The following ITSN1 variants were observed in gnomAD, a reference collection of about 807,000 sequenced individuals.
ITSN1 encodes the protein intersectin-1.
A neutral mutation model predicts 239.8 loss-of-function variants in ITSN1; 58 were observed. The ratio of observed to expected loss-of-function variants is 0.24; its 90% confidence interval spans 0.20 to 0.30. The LOEUF (loss-of-function observed/expected upper bound fraction) is 0.30, where lower values mean the gene tolerates loss of function less well. Ranked by LOEUF, ITSN1 falls within the 10% of genes least tolerant of loss-of-function variation. The pLI is 1.00. For synonymous variants in ITSN1, 780 were observed against 770.8 expected (o/e 1.01, Z -0.20); for missense variants, 1,558 against 2,103.3 (o/e 0.74, Z 5.07).
At chr21:33,885,559 G>A in intron 38 of ITSN1, 37 bp downstream of exon 38, 1 of 1,562,882 alleles carries the variant, frequency 6.4e-7, no homozygotes, top group South Asian at 1.1e-5. Flanking sequence ...CTGCTTTGGG[G>A]TTGGGAGTAG....
intron 1 of ITSN1, among the ~76,000 whole-genome samples, chr21:33,660,876 A>G (rs1047529506): frequency 2.0e-5 from 3 of 152,224 alleles, no homozygotes; most frequent in Non-Finnish European, 4.4e-5. Context: ...TGATTTGACC[A>G]ATACATACAA....
At chr21:33,724,134 T>A (rs1221059871) in intron 4 of ITSN1, among the ~76,000 whole-genome samples, 1 of 152,076 alleles carries the variant, frequency 6.6e-6, no homozygotes, top group Non-Finnish European at 1.5e-5. Context: ...TATATTTGAA[T>A]TGAAACGAAA....
At chr21:33,813,637 G>A (rs552013022) in intron 21 of ITSN1, among the ~76,000 whole-genome samples, 1 of 152,278 alleles carries the variant, frequency 6.6e-6, no homozygotes, top group East Asian at 1.9e-4. Flanking sequence ...ACAGGCATGA[G>A]CCACTGTGCC....
At chr21:33,678,583 G>A (rs1443112571) in intron 1 of ITSN1, among the ~76,000 whole-genome samples, 2 of 152,146 alleles carry the variant, frequency 1.3e-5, no homozygotes, top group African/African-American at 2.4e-5. Context: ...CTTTTATATC[G>A]TGAGCTTCAG....
At chr21:33,671,847 G>A (rs1043019272) in intron 1 of ITSN1, among the ~76,000 whole-genome samples, 5 of 152,058 alleles carry the variant, frequency 3.3e-5, no homozygotes, top group South Asian at 2.1e-4. Context: ...GAATCTCACC[G>A]TTAATCAGTG....
intron 11 of ITSN1, among the ~76,000 whole-genome samples, chr21:33,768,186 A>C (rs993777877): frequency 6.6e-6 from 1 of 152,368 alleles, no homozygotes; most frequent in South Asian, 2.1e-4. Context: ...TAGAAAATCA[A>C]ATCATCTACT....
chr21:33,726,273 C>T (rs149821606), intron 4 of ITSN1, among the ~76,000 whole-genome samples: 104 of 152,270 alleles, frequency 6.8e-4, no homozygotes, highest in African/African-American at 2.3e-3. Flanking sequence ...GAATTACAGG[C>T]ATGACCCACT....
At position 33,767,716 on chromosome 21, in the gene ITSN1, A is replaced by G; in HGVS notation, c.930A>G (p.Arg310=). 6.3e-7 allele frequency: 1 copy of G among 1,591,334 alleles called. No homozygotes were observed. Among genetic ancestry groups the G allele is most frequent in the Non-Finnish European group, 8.6e-7 (1 of 1,163,332 alleles). ...PPEYIPPSFR[R]VRSGSGISVI... ...TTCTTTTTCCCCGCAATTGCAGAAG[A>G]GTTCGATCTGGCAGTGGTATATCTG... Residue 310 remains arginine, a synonymous_variant, in exon 11 of 40, where the codon AGA becomes AGG. Transcript: ENST00000381318.
intron 4 of ITSN1, among the ~76,000 whole-genome samples, chr21:33,723,695 G>A (rs975711763): frequency 3.3e-5 from 5 of 152,162 alleles, no homozygotes; most frequent in African/African-American, 1.2e-4. Flanking sequence ...CTCTGATTTG[G>A]AGATACAGTT....
chr21:33,856,154 C>T (rs1979283697), intron 29 of ITSN1, among the ~76,000 whole-genome samples: 1 of 152,236 alleles, frequency 6.6e-6, no homozygotes, highest in Admixed American at 6.5e-5. Flanking sequence ...CAGTTCACCA[C>T]CTGACATGGT....
In ITSN1 at chr21:33,890,237, GCTA is replaced by G. The variant is rs1026763851; in HGVS notation, c.*1939_*1941del. On this transcript the variant is annotated 3_prime_UTR_variant, in exon 40 of 40. Transcript: ENST00000381318. Reference sequence around the variant, plus strand: ...TGTTTAGTGTATTTATGAAAGATATGCTACCATGGTAGAAAGAAAAGTATTCAA... The same window carrying G: ...TGTTTAGTGTATTTATGAAAGATATGCCATGGTAGAAAGAAAAGTATTCAA... The G allele has an allele frequency of 3.9e-4, 59 of 152,198 alleles. No individual in the cohort carries two copies. Among genetic ancestry groups the G allele is most frequent in the African/African-American group, 1.4e-3 (57 of 41,454 alleles). The allele number at this position is 152,198 out of a possible 1,614,324, so 9.4% of individuals were successfully genotyped here. A position where few individuals can be genotyped will look rare whatever the true frequency, so the allele number is the denominator to read the frequency against.
chr21:33,865,686 C>T lies in ITSN1; in HGVS notation c.4074+352C>T, dbSNP rs980743784. On this transcript the variant is annotated intron_variant, in intron 32 of 39. Transcript: ENST00000381318. The surrounding 1 kb of genome is among the most constrained non-coding windows in gnomAD (Gnocchi z 4.4). ...TCCTCTTGTGTTTAATCGCCACATC[C>T]TCAGTTCTTTGCTGGTCTCTGCCCT... is the stretch of plus-strand genomic sequence containing the variant. 6.6e-6 allele frequency among the ~76,000 whole-genome samples: 1 copy of T among 152,244 alleles called. No individual in the cohort carries two copies. The highest frequency in any genetic ancestry group is 2.4e-5 in the African/African-American group (1 of 41,464).
At chr21:33,806,194 G>A (rs2072434528) in intron 20 of ITSN1, among the ~76,000 whole-genome samples, 1 of 151,852 alleles carries the variant, frequency 6.6e-6, no homozygotes, top group Non-Finnish European at 1.5e-5. Flanking sequence ...CTGGGCAACA[G>A]AGTGAGAATC....
At chr21:33,800,882 T>C (rs573451976) in intron 19 of ITSN1, among the ~76,000 whole-genome samples, 1 of 141,818 alleles carries the variant, frequency 7.1e-6, no homozygotes, top group Non-Finnish European at 1.6e-5. Flanking sequence ...TGGTGTGATA[T>C]TGGCTCACTG....
intron 16 of ITSN1, among the ~76,000 whole-genome samples, chr21:33,787,247 C>T (rs929935193): frequency 4.6e-5 from 7 of 152,124 alleles, no homozygotes; most frequent in African/African-American, 9.7e-5. Context: ...TGAAAGCGCT[C>T]AGTTGTTATT....
chr21:33,804,877 C>T (rs1365651792), intron 20 of ITSN1, among the ~76,000 whole-genome samples: 1 of 152,118 alleles, frequency 6.6e-6, no homozygotes, highest in Non-Finnish European at 1.5e-5. Flanking sequence ...GCAAAAAAAA[C>T]TCATAATGTT....
intron 29 of ITSN1, among the ~76,000 whole-genome samples, chr21:33,845,927 C>T (rs547324691): frequency 6.6e-6 from 1 of 152,350 alleles, no homozygotes; most frequent in Admixed American, 6.5e-5. Context: ...CCCACTGTGG[C>T]ATCGTGGGCC....
chr21:33,861,684 T>G (rs1980557423), intron 31 of ITSN1, among the ~76,000 whole-genome samples: 1 of 152,062 alleles, frequency 6.6e-6, no homozygotes, highest in Non-Finnish European at 1.5e-5. Flanking sequence ...CGGTGGCTCA[T>G]GCCTGTTATC....
intron 27 of ITSN1, among the ~76,000 whole-genome samples, chr21:33,833,784 A>G (rs1298275205): frequency 6.6e-6 from 1 of 151,612 alleles, no homozygotes; most frequent in Non-Finnish European, 1.5e-5. Context: ...AGGCAGGAGA[A>G]TGGCCTGAAC....
Sources: gnomAD v4.1 joint callset for allele counts (sites outside exome capture counted in the v4.1 genomes callset) on GRCh38, gnomAD v4.1.1 for gene constraint, Gnocchi (gnomAD v3.1) non-coding constraint, MANE v1.5 for transcripts, NCBI Gene and HGNC (gene_info 2026-07-23, HGNC 2026-07-21) for gene names.